ACAP1: variants seen among roughly 807,000 people sequenced by gnomAD.
The protein encoded by ACAP1 is arf-GAP with coiled-coil, ANK repeat and PH domain-containing protein 1.
ACAP1 carries 45 observed loss-of-function variants against 98.8 expected under a neutral mutation model. The ratio of observed to expected loss-of-function variants is 0.46; its 90% CI spans 0.36 to 0.58. The LOEUF is 0.58. Among genes scored for constraint, ACAP1 ranks in the 20% least tolerant of loss-of-function variants. The pLI, the probability that ACAP1 is intolerant of heterozygous loss-of-function variation, is 0.00. For synonymous variants in ACAP1, 362 were observed against 375.3 expected, an observed-to-expected ratio of 0.96 and a Z score of 0.41; for missense variants, 735 against 971.4, an observed-to-expected ratio of 0.76 and a Z score of 3.24.
intron 14 of ACAP1, 85 bp downstream of exon 14, chr17:7,347,327 T>G: frequency 7.8e-7 from 1 of 1,279,124 alleles, no homozygotes; most frequent in Non-Finnish European, 1.1e-6. Flanking sequence ...CCGGCCCCTC[T>G]TCCTTCCCTG....
rs187271280 is a variant in ACAP1 at position 7,340,244 on chromosome 17, C to G, written c.112-1704C>G. 1.1e-4 allele frequency among the ~76,000 whole-genome samples: 16 copies of G among 151,964 alleles called. No individual in the cohort carries two copies. The East Asian group carries it at 2.0e-3, about 19-fold the overall frequency. On this transcript the variant is annotated intron_variant, in intron 2 of 21. Transcript: ENST00000158762. ...CTATGATCCCACCACTGCACTCCAG[C>G]CTGGGCGACAGAGACCTCAACTCTA... is the stretch of plus-strand genomic sequence containing the variant.
chr17:7,348,877 C>A, intron 17 of ACAP1, 118 bp from the exon 18 acceptor site: 1 of 963,266 alleles, frequency 1.0e-6, no homozygotes, highest in Non-Finnish European at 1.6e-6. Flanking sequence ...CCTCCACAGT[C>A]CCAAGCTCCC....
At position 7,346,804 on chromosome 17, in the gene ACAP1, C is replaced by T. The variant is rs979953904; in HGVS notation, c.1008-4C>T. On this transcript the variant is annotated splice_region_variant and splice_polypyrimidine_tract_variant and intron_variant, in intron 12 of 21. Coordinates refer to ENST00000158762, the MANE Select transcript of ACAP1 (RefSeq NM_014716.4). ...TCTGCCATCTCCCTCACCCTCCTAC[C>T]TAGGTCCTGCCTCCTCCAGGCTGAC... 1.7e-5 allele frequency: 28 copies of T among 1,611,404 alleles called. No individual in the cohort carries two copies. The highest frequency in any genetic ancestry group is 2.3e-5 in the Non-Finnish European group (27 of 1,178,100).
Position 7,336,781 on chromosome 17 carries a change from G to A in ACAP1, c.47G>A (p.Arg16His), listed in dbSNP as rs147825679. The change falls in exon 1 of 22, where the codon CGT becomes CAT. Residue 16 changes from arginine (R) to histidine (H), a missense_variant. This residue lies in a region of ACAP1 where 430 missense variants were observed against 531.8 expected (regional missense o/e 0.81). Coordinates refer to ENST00000158762, the MANE Select transcript of ACAP1 (RefSeq NM_014716.4). ...GAGGAGTGTCTCAAGGACTCACCCCGTTTCCGGTAAGTGTGAACTGGTCTG... is the reference window on the plus strand; with the variant it reads ...GAGGAGTGTCTCAAGGACTCACCCCATTTCCGGTAAGTGTGAACTGGTCTG... ...DFEECLKDSP[R>H]FRASIELVEA... is the part of the protein sequence containing the mutation. 4.0e-5 allele frequency: 64 copies of A among 1,613,760 alleles called. No homozygotes were observed. The African/African-American group carries it at 4.4e-4, about 11-fold the overall frequency.
chr17:7,344,011 G>T lies in ACAP1; in HGVS notation c.670-38G>T. Reference sequence around the variant, plus strand: ...AGGGAGGTTAGGGACTCCTAACTGGGGGGCCTTGGACATCTGAGATGCCCT... The same window carrying T: ...AGGGAGGTTAGGGACTCCTAACTGGTGGGCCTTGGACATCTGAGATGCCCT... On this transcript the variant is annotated intron_variant, in intron 8 of 21. Transcript: ENST00000158762. This position sits in a 1 kb window ranked among gnomAD's most constrained non-coding sequence, Gnocchi z 4.9. 6.3e-7 allele frequency: 1 copy of T among 1,577,308 alleles called. No homozygotes were observed. The highest frequency in any genetic ancestry group is 2.4e-5 in the East Asian group (1 of 42,504).
At position 7,344,218 on chromosome 17, in the gene ACAP1, C is replaced by A; in HGVS notation, c.744+95C>A. 1 of 1,360,792 alleles carries A rather than the reference C, an allele frequency of 7.3e-7. No individual in the cohort carries two copies. The highest frequency in any genetic ancestry group is 1.0e-6 in the Non-Finnish European group (1 of 982,852). 84.3% of individuals were successfully genotyped at this position (1,360,792 alleles called of 1,614,324 possible). A position where few individuals can be genotyped will look rare whatever the true frequency, so the allele number is the denominator to read the frequency against. ...CTTGAGGCCTGGAGTTCAAGATTAG[C>A]CTAGGCATCGTAGTGAAACTCCATC... On this transcript the variant is annotated intron_variant, in intron 9 of 21. Transcript: ENST00000158762. The surrounding 1 kb of genome is among the most constrained non-coding windows in gnomAD (Gnocchi z 4.9).
chr17:7,347,725 G>A lies in ACAP1; in HGVS notation c.1344-197G>A, dbSNP rs1046844506. The A allele has an allele frequency of 4.0e-5, 24 of 599,992 alleles. 1 individual carries two copies. The highest frequency in any genetic ancestry group is 2.6e-4 in the African/African-American group (14 of 53,818). The allele number at this position is 599,992 out of a possible 1,614,324, so 37.2% of individuals were successfully genotyped here. ...TGAAACCTAAGGAAGAAGGAATGGTGACGAGGCAGAGTCCTGCCAGGGCCA... is the reference window on the plus strand; with the variant it reads ...TGAAACCTAAGGAAGAAGGAATGGTAACGAGGCAGAGTCCTGCCAGGGCCA... On this transcript the variant is annotated intron_variant, in intron 14 of 21. Coordinates refer to ENST00000158762, the MANE Select transcript of ACAP1 (RefSeq NM_014716.4).
intron 18 of ACAP1, chr17:7,349,379 CTT>C (rs1393015366): frequency 0.022 from 8,352 of 379,490 alleles, no homozygotes; most frequent in South Asian, 0.032. Context: ...TTACAGGAGA[CTT>C]TTTTTTTTTT....
chr17:7,343,583 T>C lies in ACAP1; in HGVS notation c.528+21T>C. On this transcript the variant is annotated intron_variant, in intron 6 of 21. Coordinates refer to ENST00000158762, the MANE Select transcript of ACAP1 (RefSeq NM_014716.4). The surrounding 1 kb of genome is among the most constrained non-coding windows in gnomAD (Gnocchi z 4.9). ...TGCAGGTGCCTGCCCCAATCTGTCT[T>C]CCTGGGGTACCAGAGCCTCAAGTGT... 6.2e-7 allele frequency: 1 copy of C among 1,604,730 alleles called. No individual in the cohort carries two copies. The highest frequency in any genetic ancestry group is 8.5e-7 in the Non-Finnish European group (1 of 1,173,552).
chr17:7,345,724 C>G (rs2073339856), intron 10 of ACAP1: 1 of 158,332 alleles, frequency 6.3e-6, no homozygotes, highest in South Asian at 1.8e-4. Context: ...GCGATCTCAG[C>G]TCACTGCAAC....
chr17:7,344,446 A>G lies in ACAP1; in HGVS notation c.745-93A>G. 1 of 912,780 alleles carries G rather than the reference A, an allele frequency of 1.1e-6. No individual in the cohort carries two copies. Among genetic ancestry groups the G allele is most frequent in the South Asian group, 1.6e-5 (1 of 63,754 alleles). 56.5% of individuals were successfully genotyped at this position (912,780 alleles called of 1,614,324 possible). ...TTTTAAAAAGTATTTCAAAAAGCAG[A>G]AAGTAAGGGCTAGGGCTGTGGGCAG... is the stretch of plus-strand genomic sequence containing the variant. On this transcript the variant is annotated intron_variant, in intron 9 of 21. Coordinates refer to ENST00000158762, the MANE Select transcript of ACAP1 (RefSeq NM_014716.4). The surrounding 1 kb of genome is among the most constrained non-coding windows in gnomAD (Gnocchi z 4.9).
intron 2 of ACAP1, among the ~76,000 whole-genome samples, chr17:7,340,628 T>G (rs60516573): frequency 0.023 from 3,462 of 152,212 alleles, 134 homozygotes; most frequent in African/African-American, 0.079. Context: ...GTGGATCACC[T>G]GAAGTCAGGA....
chr17:7,350,347 G>C lies in ACAP1; in HGVS notation c.2072+110G>C, dbSNP rs985586656. On this transcript the variant is annotated intron_variant, in intron 20 of 21. Coordinates refer to ENST00000158762, the MANE Select transcript of ACAP1 (RefSeq NM_014716.4). The surrounding 1 kb of genome is among the most constrained non-coding windows in gnomAD (Gnocchi z 4.6). ...CGCCGAAACAGAAGCCTGTGCTGTG[G>C]GGCCTCGGAAAGGGGCTGGGCCAGC... The C allele has an allele frequency of 1.8e-5, 16 of 885,404 alleles. No homozygotes were observed. In the African/African-American group the frequency reaches 2.4e-4, roughly 13 times the overall value. 54.8% of individuals were successfully genotyped at this position (885,404 alleles called of 1,614,324 possible).
At position 7,346,951 on chromosome 17, in the gene ACAP1, C is replaced by T. The variant is rs369700015; in HGVS notation, c.1131+20C>T. 8.1e-6 allele frequency: 13 copies of T among 1,600,164 alleles called. No homozygotes were observed. The highest frequency in any genetic ancestry group is 2.2e-5 in the South Asian group (2 of 90,178). On this transcript the variant is annotated intron_variant, in intron 13 of 21. Coordinates refer to ENST00000158762, the MANE Select transcript of ACAP1 (RefSeq NM_014716.4). ...GGCCAGGTACCTTAACCTGGGGGTG[C>T]GGAGCCAGGCTGCCTGTGGAGATGG...
intron 2 of ACAP1, among the ~76,000 whole-genome samples, chr17:7,338,619 G>C (rs1221008927): frequency 6.6e-6 from 1 of 151,938 alleles, no homozygotes; most frequent in East Asian, 1.9e-4. Context: ...TGTGATCCCA[G>C]ATGCTTCAAT....
chr17:7,336,583 T>TG lies in ACAP1; in HGVS notation c.-148dup. ...TCCTCCTAGGACACCCCTTTCCCCT[T>TG]GGGGAAAGAATTGTGCCCCCAGGCC... On this transcript the variant is annotated 5_prime_UTR_variant, in exon 1 of 22. Transcript: ENST00000158762. 1.3e-6 allele frequency: 1 copy of TG among 752,776 alleles called. No homozygotes were observed. Among genetic ancestry groups the TG allele is most frequent in the East Asian group, 2.5e-5 (1 of 39,496 alleles). The allele number at this position is 752,776 out of a possible 1,614,324, so 46.6% of individuals were successfully genotyped here.
rs763944978 is a variant in ACAP1 at position 7,343,763 on chromosome 17, G to A, written c.573+13G>A. On this transcript the variant is annotated intron_variant, in intron 7 of 21. Coordinates refer to ENST00000158762, the MANE Select transcript of ACAP1 (RefSeq NM_014716.4). This position sits in a 1 kb window ranked among gnomAD's most constrained non-coding sequence, Gnocchi z 4.9. ...CATCATGGAGTTTGTGAGTTGTGGC[G>A]GGGGTGAGGGCAGGGTGGAGAAGAG... 96 of 1,613,584 alleles carry A rather than the reference G, an allele frequency of 5.9e-5. No individual in the cohort carries two copies. In the East Asian group the frequency reaches 6.5e-4, roughly 11 times the overall value.
intron 2 of ACAP1, among the ~76,000 whole-genome samples, chr17:7,341,265 C>T (rs1313794632): frequency 6.6e-6 from 1 of 152,226 alleles, no homozygotes; most frequent in Non-Finnish European, 1.5e-5. Context: ...GTCCTCCTGC[C>T]TTAGCCCCCC....
rs2073305022 is a variant in ACAP1 at position 7,342,976 on chromosome 17, G to A, written c.345-403G>A. On this transcript the variant is annotated intron_variant, in intron 5 of 21. Coordinates refer to ENST00000158762, the MANE Select transcript of ACAP1 (RefSeq NM_014716.4). ...CATGTCTGTTGTCCCAGCTTCTTGGGAGGCTGAGGCAGGAGAATTGCTTGA... is the reference window on the plus strand; with the variant it reads ...CATGTCTGTTGTCCCAGCTTCTTGGAAGGCTGAGGCAGGAGAATTGCTTGA... The A allele has an allele frequency of 3.7e-5, 8 of 215,976 alleles. No homozygotes were observed. In the South Asian group the frequency reaches 5.4e-4, roughly 15 times the overall value. The allele number at this position is 215,976 out of a possible 1,614,324, so 13.4% of individuals were successfully genotyped here. A position where few individuals can be genotyped will look rare whatever the true frequency, so the allele number is the denominator to read the frequency against.
Sources: gnomAD v4.1 joint callset for allele counts (sites outside exome capture counted in the v4.1 genomes callset) on GRCh38, gnomAD v4.1.1 for gene constraint, gnomAD v4.1.1 regional missense constraint, Gnocchi (gnomAD v3.1) non-coding constraint, MANE v1.5 for transcripts, NCBI Gene and HGNC (gene_info 2026-07-23, HGNC 2026-07-21) for gene names.